The following SLC16A10 variants were observed in gnomAD, a reference collection of about 807,000 sequenced individuals.
The protein encoded by SLC16A10 is solute carrier family 16 member 10.
Under a neutral mutation model 40.0 loss-of-function variants are expected in SLC16A10, and 27 were observed. That is an observed-to-expected ratio of 0.67 (90% CI 0.50 to 0.93). The LOEUF is 0.93. Among genes scored for constraint, SLC16A10 ranks in the 40% least tolerant of loss-of-function variants. The pLI, the probability that SLC16A10 is intolerant of heterozygous loss-of-function variation, is 0.00. For synonymous variants in SLC16A10, 213 were observed against 249.8 expected (o/e 0.85, Z 1.39); for missense variants, 529 against 658.2 (o/e 0.80, Z 2.15).
At chr6:111,172,600 A>G (rs1258324942) in intron 1 of SLC16A10, 95 bp from the exon 2 acceptor site, 1 of 1,448,990 alleles carries the variant, frequency 6.9e-7, no homozygotes, top group African/African-American at 1.4e-5. Flanking sequence ...AAAACTAAAA[A>G]TAAAATTTTT....
At chr6:111,105,034 C>CT (rs1351763642) in intron 1 of SLC16A10, among the ~76,000 whole-genome samples, 6 of 152,080 alleles carry the variant, frequency 3.9e-5, no homozygotes, top group Non-Finnish European at 8.8e-5. Flanking sequence ...AAAACTTCGT[C>CT]TTAAGACTTA....
rs567857857 is a variant in SLC16A10 at position 111,167,645 on chromosome 6, T to TTGTG, written c.344-5040_344-5037dup. 9.6e-3 allele frequency among the ~76,000 whole-genome samples: 1,432 copies of TTGTG among 149,334 alleles called. 31 individuals carry two copies. Among genetic ancestry groups the TTGTG allele is most frequent in the African/African-American group, 0.034 (1,356 of 39,792 alleles). ...TGTTATTTATTTATTTATTTATTTA[T>TTGTG]TGTGTGTGTGTGTATGTGAGAGAGA... On this transcript the variant is annotated intron_variant, in intron 1 of 5. Transcript: ENST00000368851.
rs1347745275 is a variant in SLC16A10, at chr6:111,187,769, A to G, written c.942+10104A>G. Among the ~76,000 whole-genome samples, 3 of 152,092 alleles carry G rather than the reference A, an allele frequency of 2.0e-5. No homozygotes were observed. In the East Asian group the frequency reaches 5.8e-4, roughly 29 times the overall value. On this transcript the variant is annotated intron_variant, in intron 3 of 5. Coordinates refer to ENST00000368851, the MANE Select transcript of SLC16A10 (RefSeq NM_018593.5). ...TTGCTTTGCCATTTTGACATGATCC[A>G]TTTTCTCAGAGTTGCCAAGAGCAAT...
At chr6:111,139,413 T>G (rs1166384009) in intron 1 of SLC16A10, among the ~76,000 whole-genome samples, 1 of 152,118 alleles carries the variant, frequency 6.6e-6, no homozygotes, top group Admixed American at 6.5e-5. Context: ...GTGATTCCCC[T>G]GCCTCAGCCT....
Position 111,223,971 on chromosome 6 carries a change from G to A in SLC16A10, c.*1736G>A, listed in dbSNP as rs1419017710. On this transcript the variant is annotated 3_prime_UTR_variant, in exon 6 of 6. Coordinates refer to ENST00000368851, the MANE Select transcript of SLC16A10 (RefSeq NM_018593.5). ...AAAAAAAAATTAGGCCAAGCATAGT[G>A]GCTCATGCCTGTAATCCTAGCACTT... 1 of 152,288 alleles carries A rather than the reference G, an allele frequency of 6.6e-6. No homozygotes were observed. Among genetic ancestry groups the A allele is most frequent in the Non-Finnish European group, 1.5e-5 (1 of 68,120 alleles). The allele number at this position is 152,288 out of a possible 1,614,324, so 9.4% of individuals were successfully genotyped here. A position where few individuals can be genotyped will look rare whatever the true frequency, so the allele number is the denominator to read the frequency against.
chr6:111,139,092 C>CTTTTTT (rs755473638), intron 1 of SLC16A10, among the ~76,000 whole-genome samples: 1 of 118,894 alleles, frequency 8.4e-6, no homozygotes, highest in African/African-American at 3.2e-5. Context: ...TCTTCTTCTT[C>CTTTTTT]TTTTTTTTTT....
rs145432056 is a variant in SLC16A10 at position 111,150,957 on chromosome 6, A to C, written c.344-21738A>C. Among the ~76,000 whole-genome samples, 173 of 152,184 alleles carry C rather than the reference A, an allele frequency of 1.1e-3. 1 individual carries two copies. Among genetic ancestry groups the C allele is most frequent in the African/African-American group, 4.0e-3 (168 of 41,510 alleles). The stretch of plus-strand genomic sequence containing the variant: ...TGCTTTTTGAAATTTATAACATCTA[A>C]ATTTGCAAATGTGAGGTATGCTCTC... On this transcript the variant is annotated intron_variant, in intron 1 of 5. Transcript: ENST00000368851.
intron 1 of SLC16A10, among the ~76,000 whole-genome samples, chr6:111,100,573 G>A (rs980875733): frequency 2.6e-5 from 4 of 152,042 alleles, no homozygotes; most frequent in African/African-American, 9.7e-5. Flanking sequence ...ATTTTTAGTA[G>A]AGATGGGGTT....
chr6:111,201,676 G>T (rs568893014), intron 3 of SLC16A10, among the ~76,000 whole-genome samples: 1 of 152,124 alleles, frequency 6.6e-6, no homozygotes, highest in Non-Finnish European at 1.5e-5. Context: ...GACCATCAAG[G>T]CATGGCCAAA....
chr6:111,179,292 CATTT>C (rs1428296483), intron 3 of SLC16A10, among the ~76,000 whole-genome samples: 1 of 152,180 alleles, frequency 6.6e-6, no homozygotes. Flanking sequence ...TATATTACTT[CATTT>C]GACTTTCACA....
intron 1 of SLC16A10, among the ~76,000 whole-genome samples, chr6:111,099,776 A>G (rs1166073615): frequency 6.6e-6 from 1 of 152,072 alleles, no homozygotes; most frequent in Non-Finnish European, 1.5e-5. Flanking sequence ...TAATCCCATC[A>G]CTTTGGGAGG....
chr6:111,181,945 G>A (rs569959116), intron 3 of SLC16A10, among the ~76,000 whole-genome samples: 6 of 151,748 alleles, frequency 4.0e-5, no homozygotes, highest in Non-Finnish European at 7.4e-5. Flanking sequence ...CCTGAGAGTT[G>A]TTTTGTTTTG....
At chr6:111,092,628 T>C (rs1483438652) in intron 1 of SLC16A10, among the ~76,000 whole-genome samples, 1 of 151,894 alleles carries the variant, frequency 6.6e-6, no homozygotes, top group Non-Finnish European at 1.5e-5. Context: ...TGTCTCTTTT[T>C]AGTTGAATTT....
intron 1 of SLC16A10, among the ~76,000 whole-genome samples, chr6:111,142,522 T>C (rs1772001101): frequency 1.3e-5 from 2 of 152,168 alleles, no homozygotes; most frequent in African/African-American, 4.8e-5. Context: ...CTCTTAAAAC[T>C]GAACAATAAA....
At chr6:111,171,952 A>G (rs1301823143) in intron 1 of SLC16A10, among the ~76,000 whole-genome samples, 1 of 152,192 alleles carries the variant, frequency 6.6e-6, no homozygotes, top group African/African-American at 2.4e-5. Context: ...AAAATAGAGT[A>G]GTATACTAGG....
intron 1 of SLC16A10, among the ~76,000 whole-genome samples, chr6:111,100,329 T>A (rs970835530): frequency 6.6e-6 from 1 of 152,214 alleles, no homozygotes; most frequent in African/African-American, 2.4e-5. Flanking sequence ...TAAATTGTAA[T>A]ACATTTGGTT....
intron 1 of SLC16A10, among the ~76,000 whole-genome samples, chr6:111,148,181 T>A (rs1772112014): frequency 6.6e-6 from 1 of 152,182 alleles, no homozygotes; most frequent in Admixed American, 6.5e-5. Flanking sequence ...TCCTAAGCTA[T>A]TTTTTCTCTC....
chr6:111,127,465 G>A (rs369305179), intron 1 of SLC16A10, among the ~76,000 whole-genome samples: 3 of 152,200 alleles, frequency 2.0e-5, no homozygotes, highest in Non-Finnish European at 4.4e-5. Context: ...GTAGGCCAGG[G>A]TAAAGAGCTT....
chr6:111,166,421 C>T (rs544490781), intron 1 of SLC16A10, among the ~76,000 whole-genome samples: 2 of 129,026 alleles, frequency 1.6e-5, no homozygotes, highest in Non-Finnish European at 3.6e-5. Flanking sequence ...GTAGGGTTTG[C>T]ATGACCACTT....
Sources: allele counts gnomAD v4.1 joint callset (sites outside exome capture counted in the v4.1 genomes callset), GRCh38; gene constraint gnomAD v4.1.1; transcripts MANE v1.5; gene names NCBI Gene and HGNC (gene_info 2026-07-23, HGNC 2026-07-21).